The following ZNF469 variants were observed in gnomAD, a reference collection of about 807,000 sequenced individuals.
ZNF469 encodes zinc finger protein 469.
A neutral mutation model predicts 1.0 loss-of-function variants in ZNF469; 1 was observed. That is an observed-to-expected ratio of 1.00 (90% CI 0.35 to 4.73). The LOEUF (loss-of-function observed/expected upper bound fraction) is 4.73, where lower values mean the gene tolerates loss of function less well. Ranked by LOEUF, ZNF469 falls within the 30% of genes most tolerant of loss-of-function variation. The pLI, the probability that ZNF469 is intolerant of heterozygous loss-of-function variation, is 0.16. For synonymous variants in ZNF469, 2,703 were observed against 2,363.4 expected, an observed-to-expected ratio of 1.14 and a Z score of -4.17; for missense variants, 6,100 against 5,356.3, an observed-to-expected ratio of 1.14 and a Z score of -4.33.
chr16:88,314,905 T>G, the ZNF469 span, among the ~76,000 whole-genome samples: 2 of 148,280 alleles, frequency 1.3e-5, no homozygotes, highest in Non-Finnish European at 3.0e-5. Context: ...GTGTGGAATA[T>G]CTCTGTGATT....
At chr16:88,242,968 C>G in the ZNF469 span, among the ~76,000 whole-genome samples, 349 of 152,336 alleles carry the variant, frequency 2.3e-3, 2 homozygotes, top group African/African-American at 8.2e-3. Flanking sequence ...GCCTTTGACT[C>G]AGCTCACCGA....
chr16:88,376,227 G>T, the ZNF469 span, among the ~76,000 whole-genome samples: 1 of 152,236 alleles, frequency 6.6e-6, no homozygotes, highest in Non-Finnish European at 1.5e-5. Flanking sequence ...GGCCTTTCTC[G>T]CAGGCTCTGG....
the ZNF469 span, among the ~76,000 whole-genome samples, chr16:88,203,059 G>A: frequency 3.3e-5 from 5 of 152,166 alleles, no homozygotes; most frequent in Admixed American, 6.5e-5. Context: ...GGCGGGGGCC[G>A]TGAGTCAGGC....
chr16:88,374,172 A>G, the ZNF469 span, among the ~76,000 whole-genome samples: 2 of 152,220 alleles, frequency 1.3e-5, no homozygotes, highest in African/African-American at 2.4e-5. Flanking sequence ...AGAAATGAGT[A>G]AGGCCTGGCA....
At chr16:88,182,711 C>A in the ZNF469 span, among the ~76,000 whole-genome samples, 54 of 151,494 alleles carry the variant, frequency 3.6e-4, no homozygotes, top group African/African-American at 1.3e-3. Context: ...AGAAATGAAT[C>A]TCAACTTATA....
At chr16:88,414,082 A>G (rs1302721187) in intron 1 of ZNF469, among the ~76,000 whole-genome samples, 2 of 152,190 alleles carry the variant, frequency 1.3e-5, no homozygotes, top group Non-Finnish European at 2.9e-5. Flanking sequence ...CCTGAAGGAC[A>G]GCTGGAGGCT....
the ZNF469 span, among the ~76,000 whole-genome samples, chr16:88,284,452 C>T: frequency 6.6e-6 from 1 of 151,822 alleles, no homozygotes; most frequent in African/African-American, 2.4e-5. Flanking sequence ...CCCATCTCTA[C>T]AAAAAAATAA....
At chr16:88,285,613 T>C in the ZNF469 span, among the ~76,000 whole-genome samples, 1 of 152,264 alleles carries the variant, frequency 6.6e-6, no homozygotes, top group Non-Finnish European at 1.5e-5. Context: ...TGCCCACAGC[T>C]GTGGTCTGTC....
the ZNF469 span, among the ~76,000 whole-genome samples, chr16:88,373,816 G>A: frequency 6.6e-6 from 1 of 152,120 alleles, no homozygotes; most frequent in African/African-American, 2.4e-5. Context: ...GACCAACATG[G>A]CAAACCTCCA....
At chr16:88,188,487 C>T in the ZNF469 span, among the ~76,000 whole-genome samples, 275 of 152,256 alleles carry the variant, frequency 1.8e-3, 2 homozygotes, top group East Asian at 0.033. Context: ...GCAGGAAGGG[C>T]GAAGTGCAGC....
the ZNF469 span, among the ~76,000 whole-genome samples, chr16:88,187,108 A>G: frequency 1.3e-5 from 2 of 152,134 alleles, no homozygotes; most frequent in African/African-American, 4.8e-5. Flanking sequence ...GCGTCTGGCC[A>G]GCAGGTCAGG....
rs764487066 is a variant in ZNF469 at position 88,433,047 on chromosome 16, G to C, written c.5577G>C (p.Pro1859=). Reference sequence around the variant, plus strand: ...GCTTTGAGGGTAATGAGTTTGCACCGGCGGGGGCCTCCTCACTGACTGCCC... The same window carrying C: ...GCTTTGAGGGTAATGAGTTTGCACCCGCGGGGGCCTCCTCACTGACTGCCC... ...RPGFEGNEFA[P]AGASSLTAPR... Residue 1859 remains proline (P), a synonymous_variant, in exon 3 of 3, where the codon CCG becomes CCC. Transcript: ENST00000565624. The C allele has an allele frequency of 2.6e-6, 4 of 1,550,290 alleles. No individual in the cohort carries two copies. In the Admixed American group the frequency reaches 7.8e-5, roughly 30 times the overall value.
At position 88,428,277 on chromosome 16, in the gene ZNF469, G is replaced by C; in HGVS notation, c.807G>C (p.Arg269Ser). Residue 269 changes from arginine (R) to serine (S), a missense_variant, in exon 3 of 3, where the codon AGG (arginine) becomes AGC (serine). Transcript: ENST00000565624. ...PKGSRPGGSP[R>S]GVSFQFPFPA... ...GCAGCAGGCCCGGCGGCAGCCCCAG[G>C]GGAGTTTCCTTCCAGTTCCCCTTCC... The C allele has an allele frequency of 6.4e-7, 1 of 1,550,388 alleles. No homozygotes were observed. The highest frequency in any genetic ancestry group is 8.7e-7 in the Non-Finnish European group (1 of 1,146,950).
At chr16:88,388,108 G>A (rs903581903) in intron 1 of ZNF469, among the ~76,000 whole-genome samples, 4 of 152,246 alleles carry the variant, frequency 2.6e-5, no homozygotes, top group East Asian at 1.9e-4. Flanking sequence ...AGAGGAGAGC[G>A]GCCGAGCAGG....
chr16:88,428,906 G>A lies in ZNF469; in HGVS notation c.1436G>A (p.Ser479Asn), dbSNP rs902329062. The A allele has an allele frequency of 6.5e-6, 10 of 1,546,546 alleles. No homozygotes were observed. The highest frequency in any genetic ancestry group is 4.1e-5 in the African/African-American group (3 of 72,960). Residue 479 changes from serine (S) to asparagine (N), a missense_variant, in exon 3 of 3, where the codon AGT (serine) becomes AAT (asparagine). Ser to Asn is a conservative substitution (Grantham distance 46, BLOSUM62 1). Coordinates refer to ENST00000565624, the MANE Select transcript of ZNF469 (RefSeq NM_001367624.2). Reference protein sequence around the residue: ...SPGQRLCLPQSAPLPWPQVLP... With the variant: ...SPGQRLCLPQNAPLPWPQVLP... ...GGCCAGCGGCTCTGCCTCCCCCAGA[G>A]TGCCCCCCTGCCTTGGCCCCAAGTG...
chr16:88,126,427 T>C, the ZNF469 span, among the ~76,000 whole-genome samples: 1 of 151,232 alleles, frequency 6.6e-6, no homozygotes, highest in Non-Finnish European at 1.5e-5. Flanking sequence ...CTCTAGACTT[T>C]ACAGAGATGT....
chr16:88,125,942 A>T, the ZNF469 span, among the ~76,000 whole-genome samples: 1 of 151,922 alleles, frequency 6.6e-6, no homozygotes, highest in African/African-American at 2.4e-5. Context: ...TAATCCTAGC[A>T]CTTTGGGAGG....
the ZNF469 span, among the ~76,000 whole-genome samples, chr16:88,340,367 A>G: frequency 6.6e-6 from 1 of 152,176 alleles, no homozygotes; most frequent in South Asian, 2.1e-4. Context: ...AAGGCCAGTT[A>G]TCATAAGCCA....
the ZNF469 span, among the ~76,000 whole-genome samples, chr16:88,247,370 G>A: frequency 1.1e-5 from 1 of 88,192 alleles, no homozygotes; most frequent in South Asian, 4.1e-4. Context: ...GTGAATGAAT[G>A]AGTGAGTGAA....
Sources: allele counts gnomAD v4.1 joint callset (sites outside exome capture counted in the v4.1 genomes callset), GRCh38; gene constraint gnomAD v4.1.1; transcripts MANE v1.5; gene names NCBI Gene and HGNC (gene_info 2026-07-23, HGNC 2026-07-21).